Variants in GID4 observed in about 807,000 individuals in gnomAD.
The protein encoded by GID4 is glucose-induced degradation protein 4 homolog.
In GID4, 7 loss-of-function variants were observed where a neutral mutation model predicts 32.4. The ratio of observed to expected loss-of-function variants is 0.22; its 90% CI spans 0.12 to 0.41. GID4 has a LOEUF of 0.41. Among genes scored for constraint, GID4 ranks in the 10% least tolerant of loss-of-function variants. The pLI is 1.00. For missense variants in GID4, 309 were observed against 400.0 expected (o/e 0.77, Z 1.94); for synonymous variants, 166 against 170.0 (o/e 0.98, Z 0.18).
At position 18,047,904 on chromosome 17, in the gene GID4, C is replaced by CT. The variant is rs1225784333; in HGVS notation, c.498+2712dup. 2.1e-3 allele frequency among the ~76,000 whole-genome samples: 313 copies of CT among 145,756 alleles called. 2 individuals are homozygous for CT. The highest frequency in any genetic ancestry group is 4.7e-3 in the African/African-American group (188 of 39,966). On this transcript the variant is annotated intron_variant, in intron 2 of 5. Transcript: ENST00000268719. ...ACAAAGTTGTGCAACTATGTGATAA[C>CT]TTTTTTTTTTTTTTGAGATGGAGTC... is the stretch of plus-strand genomic sequence containing the variant.
intron 2 of GID4, among the ~76,000 whole-genome samples, chr17:18,049,656 T>C (rs80310642): frequency 1.3e-5 from 2 of 152,074 alleles, no homozygotes; most frequent in African/African-American, 4.8e-5. Flanking sequence ...TTTTTTTTTT[T>C]GAGATGAAGT....
At position 18,039,791 on chromosome 17, in the gene GID4, C is replaced by G. The variant is rs753553281; in HGVS notation, c.327C>G (p.Pro109=). The G allele has an allele frequency of 1.3e-6, 2 of 1,576,878 alleles. No homozygotes were observed. Among genetic ancestry groups the G allele is most frequent in the East Asian group, 2.5e-5 (1 of 40,634 alleles). ...CGGCCTCACTCATCCCGCCGCCGCCCATCAACACCCAGCAGCCCGGCGTGG... is the reference window on the plus strand; with the variant it reads ...CGGCCTCACTCATCCCGCCGCCGCCGATCAACACCCAGCAGCCCGGCGTGG... ...ASAASLIPPP[P]INTQQPGVAT... The change falls in exon 1 of 6, where the codon CCC becomes CCG. Residue 109 remains proline (P), a synonymous_variant. Transcript: ENST00000268719. The surrounding 1 kb of genome is among the most constrained non-coding windows in gnomAD (Gnocchi z 5.3).
At position 18,065,366 on chromosome 17, in the gene GID4, T is replaced by C. The variant is rs2045051793; in HGVS notation, c.*123T>C. On this transcript the variant is annotated 3_prime_UTR_variant, in exon 6 of 6. Transcript: ENST00000268719. The stretch of plus-strand genomic sequence containing the variant: ...CTGTTTCTTCACGAGCAGACTCGCA[T>C]CACAAAGCATGAATGTTAACCCACA... 1.1e-5 allele frequency: 8 copies of C among 745,896 alleles called. No homozygotes were observed. The highest frequency in any genetic ancestry group is 1.9e-5 in the Non-Finnish European group (8 of 427,118). 46.2% of individuals were successfully genotyped at this position (745,896 alleles called of 1,614,324 possible).
At chr17:18,064,937 A>C (rs1427700429) in intron 5 of GID4, among the ~76,000 whole-genome samples, 1 of 152,096 alleles carries the variant, frequency 6.6e-6, no homozygotes, top group African/African-American at 2.4e-5. Context: ...ACCATAGTTA[A>C]CTTCATGATT....
intron 2 of GID4, among the ~76,000 whole-genome samples, chr17:18,048,767 C>T (rs8069043): frequency 2.6e-5 from 4 of 151,716 alleles, no homozygotes; most frequent in African/African-American, 4.8e-5. Flanking sequence ...CTCAGCCTCC[C>T]GAGTAGCTGG....
intron 2 of GID4, among the ~76,000 whole-genome samples, chr17:18,051,202 T>C (rs2044906079): frequency 6.6e-6 from 1 of 152,122 alleles, no homozygotes; most frequent in Admixed American, 6.5e-5. Context: ...GACCGGGTCT[T>C]ACTATGTTGC....
chr17:18,061,188 G>A lies in GID4; in HGVS notation c.709-657G>A, dbSNP rs1174121189. 6.6e-6 allele frequency among the ~76,000 whole-genome samples: 1 copy of A among 152,194 alleles called. No homozygotes were observed. The highest frequency in any genetic ancestry group is 1.5e-5 in the Non-Finnish European group (1 of 68,026). ...TGTGGTCCTTTAGTAGACCACCTGA[G>A]GCCCTGGAGCTTCTGACCTCATCTC... On this transcript the variant is annotated intron_variant, in intron 4 of 5. Coordinates refer to ENST00000268719, the MANE Select transcript of GID4 (RefSeq NM_024052.5). The surrounding 1 kb of genome is among the most constrained non-coding windows in gnomAD (Gnocchi z 4.4).
chr17:18,058,949 T>C lies in GID4; in HGVS notation c.688T>C (p.Tyr230His). ...FDYEELKNGD[Y>H]VFMRWKEQFL... The stretch of plus-strand genomic sequence containing the variant: ...TTATGAAGAGCTGAAGAATGGAGAC[T>C]ACGTCTTCATGAGGTGGAAGGTAAG... The change falls in exon 4 of 6, where the codon TAC (tyrosine) becomes CAC (histidine). Residue 230 changes from tyrosine to histidine, a missense_variant. This residue lies in a region of GID4 where 116 missense variants were observed against 214.2 expected (regional missense o/e 0.54). Coordinates refer to ENST00000268719, the MANE Select transcript of GID4 (RefSeq NM_024052.5). 6.2e-7 allele frequency: 1 copy of C among 1,606,036 alleles called. No homozygotes were observed. Among genetic ancestry groups the C allele is most frequent in the Admixed American group, 1.7e-5 (1 of 60,020 alleles).
chr17:18,054,311 G>T (rs2044943753), intron 3 of GID4, 77 bp downstream of exon 3: 1 of 895,036 alleles, frequency 1.1e-6, no homozygotes. Flanking sequence ...CAGAGACCTT[G>T]TCCCTTATTG....
chr17:18,051,195 C>T lies in GID4; in HGVS notation c.499-2932C>T, dbSNP rs1452080450. Among the ~76,000 whole-genome samples, 8 of 151,936 alleles carry T rather than the reference C, an allele frequency of 5.3e-5. 1 individual carries two copies. In the South Asian group the frequency reaches 1.0e-3, roughly 20 times the overall value. The stretch of plus-strand genomic sequence containing the variant: ...CCCTCCCTTTTTTAAAAATAGAGAC[C>T]GGGTCTTACTATGTTGCCCAAGCTG... On this transcript the variant is annotated intron_variant, in intron 2 of 5. Coordinates refer to ENST00000268719, the MANE Select transcript of GID4 (RefSeq NM_024052.5).
chr17:18,065,285 A>G lies in GID4; in HGVS notation c.*42A>G. 1 of 1,518,050 alleles carries G rather than the reference A, an allele frequency of 6.6e-7. No homozygotes were observed. Among genetic ancestry groups the G allele is most frequent in the Admixed American group, 1.7e-5 (1 of 59,786 alleles). 94.0% of individuals were successfully genotyped at this position (1,518,050 alleles called of 1,614,324 possible). A position where few individuals can be genotyped will look rare whatever the true frequency, so the allele number is the denominator to read the frequency against. ...CAACCAAATAAAACTGAACTTGGCA[A>G]AAAAGAACTTTGCCGAGAAAATTGT... On this transcript the variant is annotated 3_prime_UTR_variant, in exon 6 of 6. Coordinates refer to ENST00000268719, the MANE Select transcript of GID4 (RefSeq NM_024052.5).
intron 1 of GID4, among the ~76,000 whole-genome samples, chr17:18,044,612 C>A (rs1350358554): frequency 6.6e-6 from 1 of 152,130 alleles, no homozygotes; most frequent in Admixed American, 6.5e-5. Context: ...TTATAAGATG[C>A]CATTTCTGAA....
intron 3 of GID4, chr17:18,056,726 G>A: frequency 6.5e-7 from 1 of 1,550,258 alleles, no homozygotes; most frequent in Non-Finnish European, 8.7e-7. Flanking sequence ...ATCTGGATCT[G>A]CAGACTCTGC....
chr17:18,044,598 A>G (rs1311665949), intron 1 of GID4, among the ~76,000 whole-genome samples: 1 of 152,224 alleles, frequency 6.6e-6, no homozygotes, highest in Non-Finnish European at 1.5e-5. Flanking sequence ...TACCACATAA[A>G]TCTTTATAAG....
At position 18,061,577 on chromosome 17, in the gene GID4, C is replaced by T. The variant is rs575116546; in HGVS notation, c.709-268C>T. On this transcript the variant is annotated intron_variant, in intron 4 of 5. Transcript: ENST00000268719. This position sits in a 1 kb window ranked among gnomAD's most constrained non-coding sequence, Gnocchi z 4.4. ...TGATTTATATATTAGATGTTTCGGCCATGGTACCTTCTCTGAATTGCTGAT... is the reference window on the plus strand; with the variant it reads ...TGATTTATATATTAGATGTTTCGGCTATGGTACCTTCTCTGAATTGCTGAT... Among the ~76,000 whole-genome samples, 8 of 152,232 alleles carry T rather than the reference C, an allele frequency of 5.3e-5. No individual in the cohort carries two copies. Among genetic ancestry groups the T allele is most frequent in the Non-Finnish European group, 1.0e-4 (7 of 68,016 alleles).
chr17:18,049,335 C>CA (rs756823895), intron 2 of GID4, among the ~76,000 whole-genome samples: 1,598 of 37,096 alleles, frequency 0.043, 43 homozygotes, highest in African/African-American at 0.12. Flanking sequence ...GACTTCGTGT[C>CA]AAAAAAAAAA....
intron 5 of GID4, among the ~76,000 whole-genome samples, chr17:18,064,361 G>A (rs2045042128): frequency 1.3e-5 from 2 of 152,188 alleles, no homozygotes; most frequent in African/African-American, 4.8e-5. Flanking sequence ...CTACCCTAGT[G>A]GATGTGAAGC....
Position 18,039,490 on chromosome 17 carries a change from G to T in GID4, c.26G>T (p.Arg9Met). The change falls in exon 1 of 6, where the codon AGG (arginine) becomes ATG (methionine). Residue 9 changes from arginine (R) to methionine (M), a missense_variant. Around this residue, in one of 2 missense-constraint regions of GID4, gnomAD observed 193 missense variants for 185.8 expected, o/e 1.04. Transcript: ENST00000268719. The surrounding 1 kb of genome is among the most constrained non-coding windows in gnomAD (Gnocchi z 5.3). ...ATGTGTGCGCGAGGGCAAGTCGGGA[G>T]GGGGACCCAGCTCAGGACTGGGAGG... is the stretch of plus-strand genomic sequence containing the variant. MCARGQVG[R>M]GTQLRTGRPC... 1 of 1,335,088 alleles carries T rather than the reference G, an allele frequency of 7.5e-7. No homozygotes were observed. Among genetic ancestry groups the T allele is most frequent in the Non-Finnish European group, 9.5e-7 (1 of 1,047,506 alleles). 82.7% of individuals were successfully genotyped at this position (1,335,088 alleles called of 1,614,324 possible).
chr17:18,044,109 C>T (rs559014336), intron 1 of GID4, among the ~76,000 whole-genome samples: 1 of 152,312 alleles, frequency 6.6e-6, no homozygotes, highest in South Asian at 2.1e-4. Context: ...CAGGACTGGA[C>T]ACTCCATGCG....
Sources: allele counts gnomAD v4.1 joint callset (sites outside exome capture counted in the v4.1 genomes callset), GRCh38; gene constraint gnomAD v4.1.1; regional missense constraint gnomAD v4.1.1; non-coding constraint Gnocchi (gnomAD v3.1); transcripts MANE v1.5; gene names NCBI Gene and HGNC (gene_info 2026-07-23, HGNC 2026-07-21).